Variants in MINDY4 observed in about 807,000 individuals in gnomAD.
MINDY4 encodes the protein MINDY lysine 48 deubiquitinase 4.
MINDY4 carries 68 observed loss-of-function variants against 87.0 expected under a neutral mutation model. The ratio of observed to expected loss-of-function variants is 0.78; its 90% confidence interval spans 0.64 to 0.96. The LOEUF (loss-of-function observed/expected upper bound fraction) is 0.96. Among genes scored for constraint, MINDY4 ranks in the 40% least tolerant of loss-of-function variants. The probability of loss-of-function intolerance (pLI) is 0.00; values close to 1 mark genes in which losing one functional copy is unlikely to be tolerated. For synonymous variants in MINDY4, 379 were observed against 363.2 expected, an observed-to-expected ratio of 1.04 and a Z score of -0.50; for missense variants, 919 against 928.2, an observed-to-expected ratio of 0.99 and a Z score of 0.13.
At chr7:30,839,098 CT>C in intron 7 of MINDY4, 101 bp from the exon 8 acceptor site, 1 of 699,004 alleles carries the variant, frequency 1.4e-6, no homozygotes, top group Non-Finnish European at 2.4e-6. Context: ...ATGGGCTTCC[CT>C]GCTAGAATTC....
At chr7:30,825,481 C>G (rs1788470337) in intron 5 of MINDY4, among the ~76,000 whole-genome samples, 1 of 152,196 alleles carries the variant, frequency 6.6e-6, no homozygotes, top group Non-Finnish European at 1.5e-5. Flanking sequence ...CCCTCAGGAG[C>G]CAAGGGAACC....
intron 9 of MINDY4, among the ~76,000 whole-genome samples, chr7:30,843,595 C>T (rs1386147841): frequency 1.5e-5 from 2 of 137,752 alleles, no homozygotes; most frequent in African/African-American, 5.9e-5. Context: ...TTTTTGTTAC[C>T]CCACCCCCAG....
intron 1 of MINDY4, among the ~76,000 whole-genome samples, chr7:30,776,539 A>G (rs1222138095): frequency 1.3e-5 from 2 of 152,210 alleles, no homozygotes; most frequent in African/African-American, 4.8e-5. Flanking sequence ...CTCCCCCTAT[A>G]GAGTGCAAGC....
intron 5 of MINDY4, among the ~76,000 whole-genome samples, chr7:30,815,272 AG>A (rs1788113151): frequency 6.6e-6 from 1 of 152,346 alleles, no homozygotes; most frequent in African/African-American, 2.4e-5. Context: ...GACAGGGCCA[AG>A]GCTGTAGAGG....
chr7:30,836,851 G>C (rs1788872829), intron 7 of MINDY4, 87 bp downstream of exon 7: 1 of 977,758 alleles, frequency 1.0e-6, no homozygotes, highest in Non-Finnish European at 1.6e-6. Context: ...CCCCAATCCA[G>C]CTCATTGTAA....
chr7:30,805,814 C>T (rs984935273), intron 5 of MINDY4, among the ~76,000 whole-genome samples: 1 of 152,066 alleles, frequency 6.6e-6, no homozygotes, highest in Admixed American at 6.6e-5. Context: ...AGGGTGGCAG[C>T]TCAAGAAAGA....
intron 13 of MINDY4, among the ~76,000 whole-genome samples, chr7:30,869,659 T>C (rs1790043544): frequency 2.0e-5 from 3 of 152,174 alleles, no homozygotes; most frequent in Non-Finnish European, 2.9e-5. Flanking sequence ...CAGATTGCAT[T>C]AGGGCCTACC....
chr7:30,788,999 T>C (rs10272887), intron 4 of MINDY4, among the ~76,000 whole-genome samples: 90,521 of 152,180 alleles, frequency 0.59, 27,486 homozygotes, highest in South Asian at 0.74. Context: ...TTTGTTGCCA[T>C]TGCCTTGATT....
chr7:30,872,453 C>T (rs916167122), intron 14 of MINDY4, 147 bp downstream of exon 14: 7 of 699,468 alleles, frequency 1.0e-5, no homozygotes, highest in East Asian at 2.7e-5. Flanking sequence ...CACGTGCCCA[C>T]CTCTGCTGGG....
Position 30,852,205 on chromosome 7 carries a change from T to G in MINDY4, c.1548-11T>G. 1.9e-6 allele frequency: 3 copies of G among 1,614,076 alleles called. No homozygotes were observed. Among genetic ancestry groups the G allele is most frequent in the Non-Finnish European group, 2.5e-6 (3 of 1,179,994 alleles). On this transcript the variant is annotated splice_polypyrimidine_tract_variant and intron_variant, in intron 10 of 17. Transcript: ENST00000265299. Reference sequence around the variant, plus strand: ...ACTCAGAGGACTCATGCACCTTCCTTTCCTTTTTAGGGCTTCGAGAACACA... The same window carrying G: ...ACTCAGAGGACTCATGCACCTTCCTGTCCTTTTTAGGGCTTCGAGAACACA...
In MINDY4 at chr7:30,875,525, G is replaced by T. The variant is rs772509060; in HGVS notation, c.1840G>T (p.Ala614Ser). ...TGTCAATCTGCTCCTGACTGGGAAA[G>T]CTGTGTCCAACGTTTTCAACGATGT... ...ELVNLLLTGK[A>S]VSNVFNDVVE... The change falls in exon 15 of 18, where the codon GCT (alanine) becomes TCT (serine). Residue 614 changes from alanine to serine, a missense_variant. Coordinates refer to ENST00000265299, the MANE Select transcript of MINDY4 (RefSeq NM_032222.3). 2 of 1,614,264 alleles carry T rather than the reference G, an allele frequency of 1.2e-6. No homozygotes were observed. Among genetic ancestry groups the T allele is most frequent in the Admixed American group, 3.3e-5 (2 of 60,030 alleles).
intron 17 of MINDY4, among the ~76,000 whole-genome samples, chr7:30,883,252 G>A (rs1472942438): frequency 1.3e-5 from 2 of 152,198 alleles, no homozygotes; most frequent in Non-Finnish European, 2.9e-5. Flanking sequence ...GGGCTAAATG[G>A]GCACCTCTTG....
chr7:30,826,717 G>A (rs146530163), intron 5 of MINDY4, among the ~76,000 whole-genome samples: 15 of 152,328 alleles, frequency 9.8e-5, no homozygotes, highest in African/African-American at 3.6e-4. Flanking sequence ...TGCTGCCACG[G>A]GATAGGGTTA....
chr7:30,777,760 T>C (rs1196020085), intron 1 of MINDY4, among the ~76,000 whole-genome samples: 1 of 152,106 alleles, frequency 6.6e-6, no homozygotes, highest in Non-Finnish European at 1.5e-5. Context: ...CATGGCCCAG[T>C]GAGGTGGGCA....
chr7:30,779,780 A>G (rs1786951568), intron 2 of MINDY4: 1 of 152,242 alleles, frequency 6.6e-6, no homozygotes, highest in Non-Finnish European at 1.5e-5. Context: ...ATGATCAAGC[A>G]TATTTTAACT....
intron 9 of MINDY4, among the ~76,000 whole-genome samples, chr7:30,844,192 C>T (rs949351719): frequency 6.6e-6 from 1 of 152,158 alleles, no homozygotes; most frequent in African/African-American, 2.4e-5. Context: ...TGACTTCCTG[C>T]TCCCACAGAC....
chr7:30,773,029 C>T (rs1402914642), intron 1 of MINDY4, among the ~76,000 whole-genome samples: 1 of 152,140 alleles, frequency 6.6e-6, no homozygotes. Context: ...GTCTCCTCTC[C>T]CTCGCATGTT....
chr7:30,787,755 G>A (rs888109470), intron 4 of MINDY4, among the ~76,000 whole-genome samples: 3 of 152,164 alleles, frequency 2.0e-5, no homozygotes, highest in Admixed American at 6.5e-5. Flanking sequence ...CATCTGCTGG[G>A]GACACTGTGG....
chr7:30,814,183 A>G (rs1035920686), intron 5 of MINDY4, among the ~76,000 whole-genome samples: 1 of 152,170 alleles, frequency 6.6e-6, no homozygotes, highest in Non-Finnish European at 1.5e-5. Context: ...ATTTTCGCAA[A>G]TTTTCCAAAA....
Sources: allele counts gnomAD v4.1 joint callset (sites outside exome capture counted in the v4.1 genomes callset), GRCh38; gene constraint gnomAD v4.1.1; transcripts MANE v1.5; gene names NCBI Gene and HGNC (gene_info 2026-07-23, HGNC 2026-07-21).